The following TENM4 variants were observed in gnomAD, a reference collection of about 807,000 sequenced individuals.
TENM4 encodes the protein teneurin transmembrane protein 4.
Under a neutral mutation model 243.3 loss-of-function variants are expected in TENM4, and 82 were observed. The observed-to-expected ratio is 0.34, with a 90% CI of 0.28 to 0.40. The LOEUF (loss-of-function observed/expected upper bound fraction) is 0.40, where lower values mean the gene tolerates loss of function less well. Among genes scored for constraint, TENM4 ranks in the 10% least tolerant of loss-of-function variants. The probability of loss-of-function intolerance (pLI) is 1.00; values close to 1 mark genes in which losing one functional copy is unlikely to be tolerated. For synonymous variants in TENM4, 1,412 were observed against 1,456.3 expected, an observed-to-expected ratio of 0.97 and a Z score of 0.69; for missense variants, 3,138 against 3,673.3, an observed-to-expected ratio of 0.85 and a Z score of 3.77.
At chr11:78,778,882 C>G (rs1227048049) in intron 16 of TENM4, among the ~76,000 whole-genome samples, 1 of 152,126 alleles carries the variant, frequency 6.6e-6, no homozygotes, top group African/African-American at 2.4e-5. Context: ...AATGTGATCA[C>G]AGAAACAAGA....
intron 3 of TENM4, among the ~76,000 whole-genome samples, chr11:79,167,335 G>T (rs994067815): frequency 6.6e-6 from 1 of 152,172 alleles, no homozygotes; most frequent in Non-Finnish European, 1.5e-5. Flanking sequence ...ACCTGTTGAA[G>T]GGTCTGAGGT....
In TENM4 at chr11:78,936,978, G is replaced by A. The variant is rs530330727; in HGVS notation, c.494-33455C>T. Among the ~76,000 whole-genome samples, 17 of 152,246 alleles carry A rather than the reference G, an allele frequency of 1.1e-4. No homozygotes were observed. The South Asian group carries it at 2.7e-3, about 24-fold the overall frequency. Reference sequence around the variant, plus strand: ...GTTAATTAAGGAACTTGATTGAAAAGTGACACTTAAAGAATCCTTCAAAAA... The same window carrying A: ...GTTAATTAAGGAACTTGATTGAAAAATGACACTTAAAGAATCCTTCAAAAA... On this transcript the variant is annotated intron_variant, in intron 6 of 33. Transcript: ENST00000278550.
intron 9 of TENM4, among the ~76,000 whole-genome samples, chr11:78,876,218 G>C (rs1359766222): frequency 6.6e-6 from 1 of 152,158 alleles, no homozygotes; most frequent in Non-Finnish European, 1.5e-5. Context: ...AAAATTAAAA[G>C]GCCTTACATA....
intron 3 of TENM4, among the ~76,000 whole-genome samples, chr11:79,205,486 C>T (rs765264476): frequency 6.6e-6 from 1 of 152,238 alleles, no homozygotes; most frequent in African/African-American, 2.4e-5. Flanking sequence ...CTTCCACCCC[C>T]AGCCCAGGTC....
intron 6 of TENM4, among the ~76,000 whole-genome samples, chr11:79,004,041 A>G (rs565755247): frequency 8.5e-5 from 13 of 152,254 alleles, no homozygotes; most frequent in African/African-American, 3.1e-4. Flanking sequence ...AAAAAAGACA[A>G]AGAAGGGCAT....
chr11:78,988,476 TA>T (rs1417178296), intron 6 of TENM4, among the ~76,000 whole-genome samples: 1 of 152,240 alleles, frequency 6.6e-6, no homozygotes, highest in East Asian at 1.9e-4. Context: ...AATTGAAAAC[TA>T]ATGCATAAGG....
At chr11:78,979,141 C>T (rs1857733990) in intron 6 of TENM4, among the ~76,000 whole-genome samples, 1 of 152,036 alleles carries the variant, frequency 6.6e-6, no homozygotes, top group South Asian at 2.1e-4. Context: ...GTCACAGGTC[C>T]CTGAGCTAGT....
chr11:79,299,023 G>A (rs1413818486), intron 1 of TENM4, among the ~76,000 whole-genome samples: 2 of 151,612 alleles, frequency 1.3e-5, no homozygotes, highest in Non-Finnish European at 2.9e-5. Context: ...AAAACCATTC[G>A]GACAATATCT....
intron 4 of TENM4, among the ~76,000 whole-genome samples, chr11:79,077,326 G>A (rs1860557950): frequency 6.6e-6 from 1 of 152,182 alleles, no homozygotes; most frequent in South Asian, 2.1e-4. Context: ...GTCAAAGGTG[G>A]AGAGACCATC....
intron 3 of TENM4, among the ~76,000 whole-genome samples, chr11:79,185,435 A>G (rs960750983): frequency 6.6e-6 from 1 of 152,238 alleles, no homozygotes; most frequent in Non-Finnish European, 1.5e-5. Context: ...AAAGTGACAG[A>G]CTAGAAGATT....
At position 78,854,360 on chromosome 11, in the gene TENM4, C is replaced by T. The variant is rs181834468; in HGVS notation, c.1471-46G>A. On this transcript the variant is annotated intron_variant, in intron 11 of 33. Transcript: ENST00000278550. The stretch of plus-strand genomic sequence containing the variant: ...AGTTAGCAGTGGGTCTGTTCCACCA[C>T]GCACCAGCGTCCTTCCCGGGGCTTC... The T allele has an allele frequency of 1.3e-4, 180 of 1,435,302 alleles. 1 individual carries two copies. The East Asian group carries it at 2.7e-3, about 22-fold the overall frequency. The allele number at this position is 1,435,302 out of a possible 1,614,324, so 88.9% of individuals were successfully genotyped here. A position where few individuals can be genotyped will look rare whatever the true frequency, so the allele number is the denominator to read the frequency against.
intron 2 of TENM4, among the ~76,000 whole-genome samples, chr11:79,289,060 C>T (rs1389353684): frequency 6.6e-6 from 1 of 152,150 alleles, no homozygotes; most frequent in Non-Finnish European, 1.5e-5. Flanking sequence ...ACTGTTTGAT[C>T]TTGAAAGAGC....
chr11:78,742,426 G>C (rs1217848332), intron 19 of TENM4, among the ~76,000 whole-genome samples: 1 of 152,144 alleles, frequency 6.6e-6, no homozygotes, highest in Admixed American at 6.5e-5. Context: ...CGCCTACTAT[G>C]AGCCAGGCTC....
intron 12 of TENM4, among the ~76,000 whole-genome samples, chr11:78,835,120 G>T (rs1054893004): frequency 6.6e-6 from 1 of 152,084 alleles, no homozygotes; most frequent in Non-Finnish European, 1.5e-5. Flanking sequence ...AGGGCGGTGA[G>T]GCATGTAACA....
intron 4 of TENM4, among the ~76,000 whole-genome samples, chr11:79,087,189 G>T (rs551384064): frequency 6.6e-6 from 1 of 152,320 alleles, no homozygotes; most frequent in Admixed American, 6.5e-5. Flanking sequence ...GAGAGGCAAA[G>T]TGCCTTGTTT....
At chr11:78,712,111 C>T (rs544877) in intron 26 of TENM4, among the ~76,000 whole-genome samples, 17,135 of 152,104 alleles carry the variant, frequency 0.11, 2,758 homozygotes, top group African/African-American at 0.36. Flanking sequence ...TAGTAGAGGA[C>T]TGGGACATCC....
intron 12 of TENM4, among the ~76,000 whole-genome samples, chr11:78,826,581 G>A (rs1419009258): frequency 6.6e-6 from 1 of 152,026 alleles, no homozygotes; most frequent in African/African-American, 2.4e-5. Context: ...CTCCAGGCCT[G>A]CCCCTTTGTG....
intron 6 of TENM4, among the ~76,000 whole-genome samples, chr11:78,986,650 G>A (rs1857925801): frequency 6.6e-6 from 1 of 151,166 alleles, no homozygotes; most frequent in South Asian, 2.1e-4. Flanking sequence ...TGCAACCTCC[G>A]CCTCCCTCCA....
intron 4 of TENM4, among the ~76,000 whole-genome samples, chr11:79,129,991 C>A (rs968280203): frequency 3.9e-5 from 6 of 152,116 alleles, no homozygotes; most frequent in Non-Finnish European, 8.8e-5. Flanking sequence ...ATTGCAACCC[C>A]CTGCCACCTC....
Sources: allele counts gnomAD v4.1 joint callset (sites outside exome capture counted in the v4.1 genomes callset), GRCh38; gene constraint gnomAD v4.1.1; transcripts MANE v1.5; gene names NCBI Gene and HGNC (gene_info 2026-07-23, HGNC 2026-07-21).